TBXAS1: variants seen among roughly 807,000 people sequenced by gnomAD.
TBXAS1 encodes the protein thromboxane A synthase 1, also known as thromboxane-A synthase.
TBXAS1 carries 48 observed loss-of-function variants against 60.7 expected under a neutral mutation model. The ratio of observed to expected loss-of-function variants is 0.79; its 90% CI spans 0.63 to 1.01. The LOEUF (loss-of-function observed/expected upper bound fraction) is 1.01, where lower values mean the gene tolerates loss of function less well. Ranked by LOEUF, TBXAS1 falls within the 50% of genes least tolerant of loss-of-function variation. TBXAS1 has a pLI of 0.00. For missense variants in TBXAS1, 685 were observed against 686.3 expected, an observed-to-expected ratio of 1.00 and a Z score of 0.02; for synonymous variants, 287 against 269.7, an observed-to-expected ratio of 1.06 and a Z score of -0.63.
chr7:140,010,027 C>A (rs1473909732), intron 10 of TBXAS1, among the ~76,000 whole-genome samples: 10 of 133,272 alleles, frequency 7.5e-5, no homozygotes, highest in African/African-American at 1.7e-4. Flanking sequence ...CCACACCCGC[C>A]CCACACCTCC....
At position 139,959,693 on chromosome 7, in the gene TBXAS1, C is replaced by T. The variant is rs112709102; in HGVS notation, c.819+1929C>T. Among the ~76,000 whole-genome samples the T allele has an allele frequency of 5.6e-3, 853 of 152,172 alleles. 11 individuals are homozygous for T. Among genetic ancestry groups the T allele is most frequent in the Middle Eastern group, 0.034 (10 of 294 alleles). Reference sequence around the variant, plus strand: ...TGCAGTTTTGCCCATGGAAAAATACCCGGTGTAGAGGTGGCTGTGCCCTCC... The same window carrying T: ...TGCAGTTTTGCCCATGGAAAAATACTCGGTGTAGAGGTGGCTGTGCCCTCC... On this transcript the variant is annotated intron_variant, in intron 8 of 12. Transcript: ENST00000448866.
chr7:139,852,354 T>C lies in TBXAS1; in HGVS notation c.90-19881T>C, dbSNP rs1468667573. Among the ~76,000 whole-genome samples, 3 of 152,176 alleles carry C rather than the reference T, an allele frequency of 2.0e-5. No homozygotes were observed. In the South Asian group the frequency reaches 6.2e-4, roughly 32 times the overall value. On this transcript the variant is annotated intron_variant, in intron 1 of 12. Coordinates refer to ENST00000448866, the MANE Select transcript of TBXAS1 (RefSeq NM_001061.7). The surrounding 1 kb of genome is among the most constrained non-coding windows in gnomAD (Gnocchi z 4.4). ...AGGCCAAACCCAGAAAAGTGGTCTG[T>C]TCGGAAGGTCAGGCAGGTTCTGTGG...
At chr7:140,002,039 G>A (rs140369411) in intron 9 of TBXAS1, among the ~76,000 whole-genome samples, 10 of 152,304 alleles carry the variant, frequency 6.6e-5, no homozygotes, top group East Asian at 1.9e-4. Flanking sequence ...GGACATGTCC[G>A]TGCATTTTAA....
rs6952940 is a variant in TBXAS1 at position 139,952,641 on chromosome 7, C to T, written c.451-727C>T. 27,947 of 1,537,168 alleles carry T rather than the reference C, an allele frequency of 0.018. 324 individuals are homozygous for T. Among genetic ancestry groups the T allele is most frequent in the Middle Eastern group, 0.037 (221 of 5,988 alleles). ...AATTCCACCCACCCGTTTGTCGAAG[C>T]CGAGTGGTATCTATGTGAATCTCCA... On this transcript the variant is annotated intron_variant, in intron 5 of 12. Coordinates refer to ENST00000448866, the MANE Select transcript of TBXAS1 (RefSeq NM_001061.7).
chr7:139,807,674 C>T (rs369375335), intron 4 of TBXAS1, among the ~76,000 whole-genome samples: 18 of 152,166 alleles, frequency 1.2e-4, no homozygotes, highest in East Asian at 3.9e-4. Flanking sequence ...TGAGCCACCG[C>T]GCTCAGCCAA....
At chr7:139,860,173 G>A (rs2116712300) in intron 1 of TBXAS1, among the ~76,000 whole-genome samples, 1 of 152,174 alleles carries the variant, frequency 6.6e-6, no homozygotes, top group South Asian at 2.1e-4. Flanking sequence ...ATGTATTCTT[G>A]GCTGTTTCAG....
chr7:139,875,762 T>G, intron 3 of TBXAS1, 125 bp downstream of exon 3: 2 of 1,279,286 alleles, frequency 1.6e-6, no homozygotes, highest in Non-Finnish European at 2.2e-6. Flanking sequence ...TGTGTTTCTA[T>G]TTTTCAAAGG....
intron 4 of TBXAS1, among the ~76,000 whole-genome samples, chr7:139,807,972 G>A (rs73733505): frequency 0.031 from 4,732 of 152,208 alleles, 244 homozygotes; most frequent in African/African-American, 0.11. Context: ...TGAATGTGGA[G>A]TTGGGTAGAG....
At position 140,013,436 on chromosome 7, in the gene TBXAS1, C is replaced by A. The variant is rs192787541; in HGVS notation, c.1227-2287C>A. On this transcript the variant is annotated intron_variant, in intron 10 of 12. Transcript: ENST00000448866. The surrounding 1 kb of genome is among the most constrained non-coding windows in gnomAD (Gnocchi z 4.2). ...TCCAGGTAGACTCATTTCCCAGGGT[C>A]ACCTGCTGGGCCATAATCAACAAGG... Among the ~76,000 whole-genome samples, 1 of 152,272 alleles carries A rather than the reference C, an allele frequency of 6.6e-6. No homozygotes were observed. Among genetic ancestry groups the A allele is most frequent in the African/African-American group, 2.4e-5 (1 of 41,544 alleles).
At chr7:139,809,205 T>C (rs538861083) in intron 4 of TBXAS1, among the ~76,000 whole-genome samples, 1 of 124,950 alleles carries the variant, frequency 8.0e-6, no homozygotes, top group Non-Finnish European at 1.6e-5. Flanking sequence ...AGATGATAGA[T>C]AGATAGATAG....
intron 9 of TBXAS1, among the ~76,000 whole-genome samples, chr7:139,992,189 G>C (rs1812959142): frequency 6.6e-6 from 1 of 152,250 alleles, no homozygotes; most frequent in African/African-American, 2.4e-5. Flanking sequence ...ACAACTAGCA[G>C]GCCAGGGGGT....
At chr7:139,911,734 A>G (rs1805544453) in intron 4 of TBXAS1, among the ~76,000 whole-genome samples, 1 of 152,208 alleles carries the variant, frequency 6.6e-6, no homozygotes, top group Non-Finnish European at 1.5e-5. Flanking sequence ...GTATAAGAGT[A>G]TTAAGGCTGG....
chr7:139,956,630 G>A (rs1016423743), intron 7 of TBXAS1, among the ~76,000 whole-genome samples: 8 of 152,312 alleles, frequency 5.3e-5, no homozygotes, highest in Admixed American at 1.3e-4. Flanking sequence ...TTTCTGAGCC[G>A]ATGTCCATGG....
intron 3 of TBXAS1, among the ~76,000 whole-genome samples, chr7:139,881,307 G>A (rs1014648926): frequency 1.3e-5 from 2 of 151,956 alleles, no homozygotes; most frequent in African/African-American, 2.4e-5. Flanking sequence ...TCTACATTTT[G>A]CATCTTACTC....
chr7:139,955,387 C>A, intron 6 of TBXAS1, 72 bp from the exon 7 acceptor site: 7 of 1,603,252 alleles, frequency 4.4e-6, no homozygotes, highest in African/African-American at 1.3e-5. Flanking sequence ...AGGCCCTCCT[C>A]CTCTGGAGGG....
Position 139,791,734 on chromosome 7 carries a change from C to T in TBXAS1, c.-80+4308C>T, listed in dbSNP as rs112284303. Among the ~76,000 whole-genome samples, 1,099 of 151,394 alleles carry T rather than the reference C, an allele frequency of 7.3e-3. 7 individuals are homozygous for T. The highest frequency in any genetic ancestry group is 0.011 in the Non-Finnish European group (771 of 67,950). ...CCCAGGCCCCGCACATCTATTACCA[C>T]GGATTTGGGTATGGAGGCAGTGGCA... On this transcript the variant is annotated intron_variant, in intron 4 of 16. Transcript: ENST00000336425.
chr7:139,968,336 CCA>C (rs2117423196), intron 9 of TBXAS1, among the ~76,000 whole-genome samples: 1 of 152,264 alleles, frequency 6.6e-6, no homozygotes, highest in South Asian at 2.1e-4. Context: ...GCTCTGTCGC[CCA>C]GGCTGGTGTG....
Position 139,829,548 on chromosome 7 carries a change from T to C in TBXAS1, c.89+69T>C, listed in dbSNP as rs1798574501. The C allele has an allele frequency of 7.0e-6, 10 of 1,423,568 alleles. No homozygotes were observed. The South Asian group carries it at 9.6e-5, about 14-fold the overall frequency. The allele number at this position is 1,423,568 out of a possible 1,614,324, so 88.2% of individuals were successfully genotyped here. A position where few individuals can be genotyped will look rare whatever the true frequency, so the allele number is the denominator to read the frequency against. On this transcript the variant is annotated intron_variant, in intron 1 of 12. Coordinates refer to ENST00000448866, the MANE Select transcript of TBXAS1 (RefSeq NM_001061.7). Reference sequence around the variant, plus strand: ...TCACCCTGGAGCCTTGCTGGTGCCATGGCGGGGTATGTGGGAGTGTGTTTT... The same window carrying C: ...TCACCCTGGAGCCTTGCTGGTGCCACGGCGGGGTATGTGGGAGTGTGTTTT...
intron 4 of TBXAS1, among the ~76,000 whole-genome samples, chr7:139,819,852 G>A (rs1023055986): frequency 3.3e-5 from 5 of 151,736 alleles, no homozygotes; most frequent in Admixed American, 6.6e-5. Context: ...TGGAGATTGG[G>A]GCCCTACCAC....
Sources: gnomAD v4.1 joint callset for allele counts (sites outside exome capture counted in the v4.1 genomes callset) on GRCh38, gnomAD v4.1.1 for gene constraint, Gnocchi (gnomAD v3.1) non-coding constraint, MANE v1.5 for transcripts, NCBI Gene and HGNC (gene_info 2026-07-23, HGNC 2026-07-21) for gene names.